Variants in DST observed in about 807,000 individuals in gnomAD.
DST encodes the protein dystonin, also known as bullous pemphigoid antigen.
A neutral mutation model predicts 875.2 loss-of-function variants in DST; 253 were observed. The observed-to-expected ratio is 0.29, with a 90% confidence interval of 0.26 to 0.32. The LOEUF (loss-of-function observed/expected upper bound fraction) is 0.32, where lower values mean the gene tolerates loss of function less well. DST is among the 10% of genes least tolerant of loss of function. DST has a pLI of 1.00. For missense variants in DST, 8,287 were observed against 9,111.6 expected (o/e 0.91, Z 3.68); for synonymous variants, 3,124 against 3,197.1 (o/e 0.98, Z 0.77).
At position 56,463,776 on chromosome 6, in the gene DST, A is replaced by G. The variant is rs2152380383; in HGVS notation, c.22760-12T>C. 6.2e-7 allele frequency: 1 copy of G among 1,613,732 alleles called. No individual in the cohort carries two copies. The highest frequency in any genetic ancestry group is 8.5e-7 in the Non-Finnish European group (1 of 1,179,696). On this transcript the variant is annotated splice_polypyrimidine_tract_variant and intron_variant, in intron 100 of 103. Transcript: ENST00000680361. Reference sequence around the variant, plus strand: ...TGTCCTTCCTTTGGCTGGGTTATACACACACAACAATGCACACAAAGAAAA... The same window carrying G: ...TGTCCTTCCTTTGGCTGGGTTATACGCACACAACAATGCACACAAAGAAAA...
At chr6:56,786,555 CAG>C (rs1404208661) in intron 4 of DST, among the ~76,000 whole-genome samples, 1 of 152,282 alleles carries the variant, frequency 6.6e-6, no homozygotes, top group Non-Finnish European at 1.5e-5. Flanking sequence ...GTTTTTGAGA[CAG>C]AGTCTCGCTC....
intron 78 of DST, 94 bp from the exon 79 acceptor site, chr6:56,501,787 C>T (rs1280709967): frequency 2.2e-6 from 2 of 920,038 alleles, no homozygotes; most frequent in Non-Finnish European, 1.6e-6. Flanking sequence ...CTAATTCACA[C>T]TACTTACTGA....
intron 4 of DST, among the ~76,000 whole-genome samples, chr6:56,821,560 C>T (rs2099773081): frequency 6.6e-6 from 1 of 152,192 alleles, no homozygotes; most frequent in African/African-American, 2.4e-5. Context: ...GTTCTATGAG[C>T]TGAATATCTC....
chr6:56,495,610 A>C (rs2095875729), intron 82 of DST, among the ~76,000 whole-genome samples: 1 of 152,020 alleles, frequency 6.6e-6, no homozygotes, highest in East Asian at 1.9e-4. Context: ...GAAAGTAAGG[A>C]GCTATCTGGA....
At chr6:56,762,939 C>T (rs1457928173) in intron 4 of DST, among the ~76,000 whole-genome samples, 1 of 150,738 alleles carries the variant, frequency 6.6e-6, no homozygotes, top group East Asian at 2.0e-4. Context: ...CAACATGTGC[C>T]TCCCCGGTTC....
intron 4 of DST, among the ~76,000 whole-genome samples, chr6:56,817,097 A>G (rs2099767424): frequency 6.6e-6 from 1 of 151,722 alleles, no homozygotes; most frequent in Non-Finnish European, 1.5e-5. Context: ...AAACACACAC[A>G]CACACACACA....
At chr6:56,670,901 G>C (rs1588219799) in intron 9 of DST, 94 bp from the exon 10 acceptor site, 1 of 700,508 alleles carries the variant, frequency 1.4e-6, no homozygotes, top group Non-Finnish European at 2.2e-6. Context: ...CAAAATCTAA[G>C]ATTAGGATAA....
chr6:56,500,333 A>G (rs1189158651), intron 80 of DST, among the ~76,000 whole-genome samples: 3 of 152,154 alleles, frequency 2.0e-5, no homozygotes. Flanking sequence ...TTATCCATTA[A>G]GTCTAGTGAC....
At chr6:56,490,025 CTA>C (rs1465587971) in intron 85 of DST, among the ~76,000 whole-genome samples, 5 of 151,930 alleles carry the variant, frequency 3.3e-5, no homozygotes, top group Non-Finnish European at 7.4e-5. Flanking sequence ...AATTTAATCC[CTA>C]TGTTAAGAAA....
intron 8 of DST, 30 bp downstream of exon 8, chr6:56,701,858 T>TA: frequency 7.4e-7 from 1 of 1,356,148 alleles, no homozygotes; most frequent in Non-Finnish European, 1.0e-6. Context: ...CATATATTTA[T>TA]ATGATTACAG....
rs1033550587 is a variant in DST at position 56,561,424 on chromosome 6, C to T, written c.14194G>A (p.Glu4732Lys). Reference sequence around the variant, plus strand: ...AACCACTGCATCATTGCACTTGATTCTTCCTGAGCCTTTTGCAATTTGGAG... The same window carrying T: ...AACCACTGCATCATTGCACTTGATTTTTCCTGAGCCTTTTGCAATTTGGAG... ...KLSKLQKAQEESSAMMQWLQK... is the reference protein window; with the variant it reads ...KLSKLQKAQEKSSAMMQWLQK... Residue 4732 changes from glutamate to lysine, a missense_variant, in exon 57 of 104, where the codon GAA (glutamate) becomes AAA (lysine). Glu to Lys is a moderately conservative substitution (Grantham distance 56). This residue lies in a region of DST where 1,513 missense variants were observed against 1,677.8 expected (regional missense o/e 0.90). Coordinates refer to ENST00000680361, the MANE Select transcript of DST (RefSeq NM_001374736.1). 7 of 1,613,874 alleles carry T rather than the reference C, an allele frequency of 4.3e-6. No homozygotes were observed. Among genetic ancestry groups the T allele is most frequent in the Non-Finnish European group, 5.9e-6 (7 of 1,179,812 alleles).
chr6:56,711,197 T>TAAATA (rs2099361935), intron 5 of DST, among the ~76,000 whole-genome samples: 3 of 152,296 alleles, frequency 2.0e-5, no homozygotes, highest in South Asian at 4.1e-4. Context: ...ACTAGGTAGT[T>TAAATA]AAATAAAATA....
At chr6:56,598,771 G>T in intron 45 of DST, 62 bp from the exon 46 acceptor site, 1 of 1,025,156 alleles carries the variant, frequency 9.8e-7, no homozygotes, top group Non-Finnish European at 1.4e-6. Context: ...TTCTTCCAGA[G>T]TTGTAATTCT....
chr6:56,795,277 A>G (rs1396248636), intron 4 of DST, among the ~76,000 whole-genome samples: 1 of 152,118 alleles, frequency 6.6e-6, no homozygotes, highest in African/African-American at 2.4e-5. Context: ...AAACTCAGTG[A>G]AAGGGATGGA....
At chr6:56,615,332 A>C in intron 36 of DST, 3 of 1,439,908 alleles carry the variant, frequency 2.1e-6, no homozygotes, top group East Asian at 5.1e-5. Flanking sequence ...GAAGGGCATT[A>C]AATCTTATGT....
intron 61 of DST, among the ~76,000 whole-genome samples, chr6:56,543,407 T>A (rs1424156056): frequency 6.6e-6 from 1 of 152,146 alleles, no homozygotes; most frequent in African/African-American, 2.4e-5. Context: ...ATATTAGTAG[T>A]TACTAATAAC....
chr6:56,829,746 C>T (rs895643499), intron 4 of DST, among the ~76,000 whole-genome samples: 1 of 152,060 alleles, frequency 6.6e-6, no homozygotes, highest in African/African-American at 2.4e-5. Flanking sequence ...TTATGTCTAG[C>T]ACCCCAAGAA....
chr6:56,872,832 C>CCCGCTTT (rs5876523), intron 3 of DST, among the ~76,000 whole-genome samples: 16 of 127,852 alleles, frequency 1.3e-4, no homozygotes, highest in Non-Finnish European at 2.6e-4. Context: ...TCCCCCCCCC[C>CCCGCTTT]TTTTTTTTTT....
chr6:56,519,877 CAAATA>C (rs2096663865), intron 69 of DST, among the ~76,000 whole-genome samples: 1 of 152,100 alleles, frequency 6.6e-6, no homozygotes, highest in Non-Finnish European at 1.5e-5. Flanking sequence ...AGAAGATAAT[CAAATA>C]GATGCCAATA....
Sources: gnomAD v4.1 joint callset for allele counts (sites outside exome capture counted in the v4.1 genomes callset) on GRCh38, gnomAD v4.1.1 for gene constraint, gnomAD v4.1.1 regional missense constraint, MANE v1.5 for transcripts, NCBI Gene and HGNC (gene_info 2026-07-23, HGNC 2026-07-21) for gene names.